The following PIK3CB variants were observed in gnomAD, a reference collection of about 807,000 sequenced individuals.
PIK3CB encodes phosphatidylinositol-4,5-bisphosphate 3-kinase catalytic subunit beta.
Under a neutral mutation model 136.8 loss-of-function variants are expected in PIK3CB, and 39 were observed. That is an observed-to-expected ratio of 0.29 (90% confidence interval 0.22 to 0.37). The LOEUF (loss-of-function observed/expected upper bound fraction) is 0.37, where lower values mean the gene tolerates loss of function less well. Among genes scored for constraint, PIK3CB ranks in the 10% least tolerant of loss-of-function variants. The probability of loss-of-function intolerance (pLI) is 1.00; values close to 1 mark genes in which losing one functional copy is unlikely to be tolerated. For missense variants in PIK3CB, 868 were observed against 1,275.4 expected (o/e 0.68, Z 4.87); for synonymous variants, 428 against 436.6 (o/e 0.98, Z 0.25).
intron 4 of PIK3CB, among the ~76,000 whole-genome samples, chr3:138,747,014 G>A (rs2045367479): frequency 8.3e-6 from 1 of 120,102 alleles, no homozygotes; most frequent in Non-Finnish European, 1.7e-5. Flanking sequence ...AACCACAGCT[G>A]CAGACCTCCA....
chr3:138,806,741 A>C (rs1435014539), intron 1 of PIK3CB, among the ~76,000 whole-genome samples: 2 of 152,194 alleles, frequency 1.3e-5, no homozygotes, highest in African/African-American at 2.4e-5. Context: ...GATAGTGAGA[A>C]AATAGAGATT....
chr3:138,822,911 T>C (rs952117125), intron 1 of PIK3CB, among the ~76,000 whole-genome samples: 6 of 146,300 alleles, frequency 4.1e-5, no homozygotes, highest in Non-Finnish European at 8.9e-5. Context: ...GAAATATATA[T>C]ATGAAATATA....
chr3:138,730,151 A>G (rs1025238952), intron 8 of PIK3CB, among the ~76,000 whole-genome samples: 1 of 152,212 alleles, frequency 6.6e-6, no homozygotes, highest in African/African-American at 2.4e-5. Context: ...AGTGCTAGGT[A>G]CGGTGGGGTG....
chr3:138,696,973 C>T (rs975569497), intron 13 of PIK3CB, among the ~76,000 whole-genome samples: 1 of 152,132 alleles, frequency 6.6e-6, no homozygotes, highest in African/African-American at 2.4e-5. Context: ...TGGTTAAAAA[C>T]AACTCTACCA....
At chr3:138,804,080 C>G (rs1281455875) in intron 1 of PIK3CB, among the ~76,000 whole-genome samples, 1 of 152,044 alleles carries the variant, frequency 6.6e-6, no homozygotes, top group Non-Finnish European at 1.5e-5. Flanking sequence ...TCCCAGCACT[C>G]TGGGAGGCTG....
At chr3:138,707,372 G>A (rs2108561065) in intron 10 of PIK3CB, 83 bp from the exon 11 acceptor site, 1 of 1,480,202 alleles carries the variant, frequency 6.8e-7, no homozygotes. Flanking sequence ...CTCCTCCCAT[G>A]AAAATCACCT....
chr3:138,770,511 C>G (rs891693305), intron 2 of PIK3CB: 6 of 151,734 alleles, frequency 4.0e-5, no homozygotes, highest in Non-Finnish European at 7.4e-5. Flanking sequence ...AGATCGTGAC[C>G]ATCCTGGCTA....
At chr3:138,767,112 T>A (rs1576401431) in intron 2 of PIK3CB, among the ~76,000 whole-genome samples, 2 of 152,188 alleles carry the variant, frequency 1.3e-5, no homozygotes, top group South Asian at 4.1e-4. Flanking sequence ...AGGCAGAAGT[T>A]GCAGTGAGCC....
At chr3:138,706,791 G>T (rs1375743170) in intron 11 of PIK3CB, among the ~76,000 whole-genome samples, 1 of 152,092 alleles carries the variant, frequency 6.6e-6, no homozygotes, top group Non-Finnish European at 1.5e-5. Flanking sequence ...CGAGTAGCTG[G>T]GATTACAGGC....
At chr3:138,766,955 T>C (rs757755401) in intron 2 of PIK3CB, among the ~76,000 whole-genome samples, 65 of 152,228 alleles carry the variant, frequency 4.3e-4, no homozygotes, top group South Asian at 1.0e-3. Context: ...AAGCTAAATA[T>C]TCTCCAGAAG....
At chr3:138,763,735 C>T (rs893106484) in intron 2 of PIK3CB, among the ~76,000 whole-genome samples, 2 of 152,196 alleles carry the variant, frequency 1.3e-5, no homozygotes, top group African/African-American at 4.8e-5. Flanking sequence ...CACCAGCACT[C>T]CCATCCTATA....
intron 16 of PIK3CB, among the ~76,000 whole-genome samples, chr3:138,686,713 T>G (rs568978920): frequency 6.5e-4 from 99 of 152,312 alleles, no homozygotes; most frequent in African/African-American, 2.2e-3. Context: ...AGATTTAATT[T>G]ATAACATGTT....
chr3:138,675,273 CA>C, intron 19 of PIK3CB, among the ~76,000 whole-genome samples: 1 of 151,148 alleles, frequency 6.6e-6, no homozygotes, highest in East Asian at 1.9e-4. Flanking sequence ...ATCAGAGAAA[CA>C]AAAGAAAAAA....
chr3:138,701,220 AAAAAAAC>A (rs923196886), intron 12 of PIK3CB, among the ~76,000 whole-genome samples: 7 of 151,926 alleles, frequency 4.6e-5, no homozygotes, highest in Non-Finnish European at 1.0e-4. Context: ...GATTAAAAAA[AAAAAAAC>A]AAAAAACAAA....
intron 1 of PIK3CB, chr3:138,826,202 T>C (rs926944680): frequency 7.6e-7 from 1 of 1,322,966 alleles, no homozygotes; most frequent in African/African-American, 1.4e-5. Flanking sequence ...ACTATCCTCC[T>C]CTGGGTCATT....
At chr3:138,697,078 C>T (rs2044152650) in intron 13 of PIK3CB, among the ~76,000 whole-genome samples, 1 of 152,072 alleles carries the variant, frequency 6.6e-6, no homozygotes, top group African/African-American at 2.4e-5. Flanking sequence ...CTCACCAAAC[C>T]TCTCTATAAG....
chr3:138,830,548 G>A (rs986172448), intron 1 of PIK3CB, among the ~76,000 whole-genome samples: 4 of 151,834 alleles, frequency 2.6e-5, no homozygotes, highest in Non-Finnish European at 4.4e-5. Context: ...GCACGACTCC[G>A]TCTCAAACAA....
chr3:138,714,580 A>G lies in PIK3CB; in HGVS notation c.1190T>C (p.Met397Thr). Residue 397 changes from methionine to threonine, a missense_variant, in exon 9 of 24, where the codon ATG becomes ACG. Physicochemically the swap from Met to Thr is moderately conservative, Grantham distance 81. Coordinates refer to ENST00000674063, the MANE Select transcript of PIK3CB (RefSeq NM_006219.3). ...ATAAACAGCAAAACATAATCGAGCC[A>G]TTCTTGGTAAGTCACAAATATTAAT... ...FDINICDLPR[M>T]ARLCFAVYAV... 6.2e-7 allele frequency: 1 copy of G among 1,613,846 alleles called. No individual in the cohort carries two copies.
intron 1 of PIK3CB, among the ~76,000 whole-genome samples, chr3:138,807,563 A>G (rs2046247998): frequency 6.6e-6 from 1 of 152,212 alleles, no homozygotes; most frequent in African/African-American, 2.4e-5. Context: ...TGGTACATCC[A>G]CATAACGGAA....
Sources: allele counts gnomAD v4.1 joint callset (sites outside exome capture counted in the v4.1 genomes callset), GRCh38; gene constraint gnomAD v4.1.1; transcripts MANE v1.5; gene names NCBI Gene and HGNC (gene_info 2026-07-23, HGNC 2026-07-21).